Variants in NRG1 observed in about 807,000 individuals in gnomAD.
NRG1 encodes the protein pro-neuregulin-1, membrane-bound isoform.
NRG1 carries 18 observed loss-of-function variants against 63.8 expected under a neutral mutation model. That is an observed-to-expected ratio of 0.28 (90% CI 0.19 to 0.42). NRG1 has a LOEUF of 0.42. NRG1 is among the 10% of genes least tolerant of loss of function. The pLI is 1.00. For missense variants in NRG1, 762 were observed against 814.7 expected (o/e 0.94, Z 0.79); for synonymous variants, 302 against 301.3 (o/e 1.00, Z -0.02).
At chr8:32,076,299 C>T (rs1826535336) in intron 1 of NRG1, among the ~76,000 whole-genome samples, 2 of 152,216 alleles carry the variant, frequency 1.3e-5, no homozygotes, top group South Asian at 4.2e-4. Flanking sequence ...TTTTATTGAC[C>T]ATTTTTGGTT....
At chr8:31,804,314 G>A (rs536514162) in intron 1 of NRG1, among the ~76,000 whole-genome samples, 1 of 152,226 alleles carries the variant, frequency 6.6e-6, no homozygotes, top group East Asian at 1.9e-4. Flanking sequence ...TGTATCCTTT[G>A]CTCTCTTGGC....
At chr8:32,748,358 C>CACAGAGAG (rs748763782) in intron 7 of NRG1, among the ~76,000 whole-genome samples, 9,900 of 121,850 alleles carry the variant, frequency 0.081, 576 homozygotes, top group Non-Finnish European at 0.12. Flanking sequence ...CACACACACA[C>CACAGAGAG]AGAGAGAGAG....
chr8:32,703,481 C>A (rs1476644652), intron 5 of NRG1, among the ~76,000 whole-genome samples: 7 of 144,838 alleles, frequency 4.8e-5, no homozygotes, highest in African/African-American at 1.8e-4. Flanking sequence ...TGCAGTGAGC[C>A]ATGTTTGTGC....
chr8:32,047,493 G>A (rs1010067908), intron 1 of NRG1, among the ~76,000 whole-genome samples: 31 of 151,938 alleles, frequency 2.0e-4, no homozygotes, highest in Non-Finnish European at 4.0e-4. Context: ...AAAAGGAAGT[G>A]TGCATCAATT....
chr8:32,174,801 A>G (rs148251927), intron 1 of NRG1, among the ~76,000 whole-genome samples: 11,318 of 152,230 alleles, frequency 0.074, 847 homozygotes, highest in African/African-American at 0.2. Flanking sequence ...GAATCTCTGA[A>G]TAGACCAATA....
At chr8:32,422,403 A>C (rs1374941172) in intron 1 of NRG1, among the ~76,000 whole-genome samples, 2 of 152,186 alleles carry the variant, frequency 1.3e-5, no homozygotes, top group Non-Finnish European at 2.9e-5. Flanking sequence ...TATCAGCAAA[A>C]TATTTTATGG....
intron 1 of NRG1, among the ~76,000 whole-genome samples, chr8:32,288,993 T>TG (rs1287842301): frequency 6.6e-6 from 1 of 152,192 alleles, no homozygotes; most frequent in African/African-American, 2.4e-5. Context: ...CCACGCAAAC[T>TG]GGCTAACTGC....
intron 1 of NRG1, among the ~76,000 whole-genome samples, chr8:31,861,727 A>C (rs1327190524): frequency 2.0e-5 from 3 of 152,168 alleles, no homozygotes; most frequent in Admixed American, 6.5e-5. Flanking sequence ...TCCCCTTGAT[A>C]GGCAAAGGCT....
intron 1 of NRG1, among the ~76,000 whole-genome samples, chr8:31,837,098 A>G (rs1825751162): frequency 6.6e-6 from 1 of 152,040 alleles, no homozygotes; most frequent in Non-Finnish European, 1.5e-5. Flanking sequence ...TGCTTTGTCC[A>G]TTTCCATCAG....
In NRG1 at chr8:31,993,251, C is replaced by G. The variant is rs547400686; in HGVS notation, c.37+353820C>G. Reference sequence around the variant, plus strand: ...AAAGTGGGGAGCTCTGGGGCCAGAACAGCAGAGGACCAAAGGCATCCTACA... The same window carrying G: ...AAAGTGGGGAGCTCTGGGGCCAGAAGAGCAGAGGACCAAAGGCATCCTACA... On this transcript the variant is annotated intron_variant, in intron 1 of 10. Coordinates refer to the NRG1 transcript ENST00000519301. 7.2e-5 allele frequency among the ~76,000 whole-genome samples: 11 copies of G among 152,100 alleles called. No individual in the cohort carries two copies. In the East Asian group the frequency reaches 2.1e-3, roughly 30 times the overall value.
At chr8:32,762,059 A>AAAAAAAAAACAAAC (rs1162893361) in intron 11 of NRG1, among the ~76,000 whole-genome samples, 2 of 148,180 alleles carry the variant, frequency 1.3e-5, no homozygotes, top group African/African-American at 5.2e-5. Context: ...AAAAAAAAAA[A>AAAAAAAAAACAAAC]ACATTCTGGA....
At chr8:31,673,330 G>A (rs1410622898) in intron 1 of NRG1, among the ~76,000 whole-genome samples, 1 of 152,062 alleles carries the variant, frequency 6.6e-6, no homozygotes, top group Non-Finnish European at 1.5e-5. Context: ...ACTCTTGCTG[G>A]CCACGTGGTC....
At chr8:31,863,002 C>T (rs989985128) in intron 1 of NRG1, among the ~76,000 whole-genome samples, 1 of 152,124 alleles carries the variant, frequency 6.6e-6, no homozygotes, top group Non-Finnish European at 1.5e-5. Flanking sequence ...AAGTAGCTGC[C>T]ATTAGCTCCA....
chr8:32,594,975 T>C (rs1385835239), intron 1 of NRG1, among the ~76,000 whole-genome samples: 2 of 152,162 alleles, frequency 1.3e-5, no homozygotes, highest in Non-Finnish European at 2.9e-5. Context: ...GATGACAGGA[T>C]AGTGAAATGA....
At chr8:32,358,953 G>A (rs772779893) in intron 1 of NRG1, among the ~76,000 whole-genome samples, 2 of 152,130 alleles carry the variant, frequency 1.3e-5, no homozygotes, top group Non-Finnish European at 2.9e-5. Context: ...CAGAGGGCAG[G>A]GGTGAGGTAG....
chr8:32,621,809 G>A (rs1848389236), intron 5 of NRG1, among the ~76,000 whole-genome samples: 1 of 152,154 alleles, frequency 6.6e-6, no homozygotes, highest in African/African-American at 2.4e-5. Context: ...ACTGATACAT[G>A]TTGTCCAAAG....
At chr8:32,288,645 A>G (rs1434016595) in intron 1 of NRG1, among the ~76,000 whole-genome samples, 4 of 152,174 alleles carry the variant, frequency 2.6e-5, no homozygotes, top group African/African-American at 9.6e-5. Context: ...TTCAGTGGGC[A>G]AAGTGACTTT....
intron 1 of NRG1, among the ~76,000 whole-genome samples, chr8:32,089,704 A>G (rs1828813122): frequency 6.6e-6 from 1 of 152,220 alleles, no homozygotes; most frequent in Non-Finnish European, 1.5e-5. Flanking sequence ...GCAAAGTGAC[A>G]GAAACGCTCA....
intron 1 of NRG1, among the ~76,000 whole-genome samples, chr8:31,675,082 C>T (rs1807543771): frequency 6.6e-6 from 1 of 152,212 alleles, no homozygotes; most frequent in Non-Finnish European, 1.5e-5. Flanking sequence ...GTGGCTCATG[C>T]CTGTAATCCC....
Sources: gnomAD v4.1 joint callset for allele counts (sites outside exome capture counted in the v4.1 genomes callset) on GRCh38, gnomAD v4.1.1 for gene constraint, MANE v1.5 for transcripts, NCBI Gene and HGNC (gene_info 2026-07-23, HGNC 2026-07-21) for gene names.